ECT2L: variants seen among roughly 807,000 people sequenced by gnomAD.
ECT2L encodes the protein epithelial cell-transforming sequence 2 oncogene-like.
ECT2L carries 126 observed loss-of-function variants against 122.8 expected under a neutral mutation model. That is an observed-to-expected ratio of 1.03 (90% CI 0.89 to 1.19). The LOEUF is 1.19. ECT2L is among the 50% of genes most tolerant of loss of function. The pLI is 0.00. For missense variants in ECT2L, 1,012 were observed against 1,064.1 expected (o/e 0.95, Z 0.68); for synonymous variants, 385 against 381.8 (o/e 1.01, Z -0.10).
chr6:138,868,016 A>AAAC, intron 12 of ECT2L, 87 bp from the exon 13 acceptor site: 1 of 701,724 alleles, frequency 1.4e-6, no homozygotes, highest in Non-Finnish European at 2.2e-6. Flanking sequence ...AAAAAAAAAA[A>AAAC]AAAGAAACTG....
intron 5 of ECT2L, among the ~76,000 whole-genome samples, chr6:138,838,901 C>G (rs1047358857): frequency 3.3e-5 from 5 of 152,294 alleles, no homozygotes; most frequent in African/African-American, 9.6e-5. Context: ...CCCACCTCAG[C>G]CTCCTGAGTA....
chr6:138,803,755 T>C (rs1055314333), intron 1 of ECT2L, among the ~76,000 whole-genome samples: 1 of 152,198 alleles, frequency 6.6e-6, no homozygotes, highest in Non-Finnish European at 1.5e-5. Flanking sequence ...AATCTGGTGC[T>C]CACTATGCCA....
intron 4 of ECT2L, among the ~76,000 whole-genome samples, chr6:138,829,189 G>A (rs1243630267): frequency 6.6e-6 from 1 of 152,088 alleles, no homozygotes; most frequent in Non-Finnish European, 1.5e-5. Flanking sequence ...TTTCTGGTGT[G>A]AGAAAACCTT....
intron 19 of ECT2L, among the ~76,000 whole-genome samples, chr6:138,887,224 C>CTTTTT (rs10622407): frequency 0.58 from 86,930 of 148,986 alleles, 25,841 homozygotes; most frequent in Non-Finnish European, 0.64. Flanking sequence ...GTTTTCTTTT[C>CTTTTT]TTTAATTTTT....
intron 1 of ECT2L, among the ~76,000 whole-genome samples, chr6:138,797,576 G>A (rs933390108): frequency 4.6e-5 from 7 of 151,972 alleles, no homozygotes; most frequent in African/African-American, 1.7e-4. Context: ...TGAGGATTTA[G>A]CTCTCTATAT....
chr6:138,819,785 G>C (rs1212235145), intron 4 of ECT2L, among the ~76,000 whole-genome samples: 2 of 151,922 alleles, frequency 1.3e-5, no homozygotes, highest in Non-Finnish European at 2.9e-5. Flanking sequence ...TATTCGGGAG[G>C]CTGAGGCAGG....
chr6:138,884,823 C>G (rs905607764), intron 16 of ECT2L, among the ~76,000 whole-genome samples: 2 of 151,838 alleles, frequency 1.3e-5, no homozygotes, highest in African/African-American at 4.8e-5. Flanking sequence ...TTTTTTTCCA[C>G]ACCACAACAT....
intron 13 of ECT2L, among the ~76,000 whole-genome samples, chr6:138,871,037 G>A (rs1778234623): frequency 1.3e-5 from 2 of 152,092 alleles, no homozygotes; most frequent in African/African-American, 4.8e-5. Flanking sequence ...GGGTGACAGA[G>A]TGAGACTCTG....
chr6:138,871,467 C>T (rs915616612), intron 13 of ECT2L, among the ~76,000 whole-genome samples: 1 of 152,188 alleles, frequency 6.6e-6, no homozygotes, highest in Non-Finnish European at 1.5e-5. Context: ...TTCCCTCTGC[C>T]TGCTGCCCCA....
In ECT2L at chr6:138,903,278, T is replaced by C. The variant is rs1367494776; in HGVS notation, c.*651T>C. ...ACGCTGAGGCAGGAGAAGAATCACT[T>C]GTACCCGGGAGTCGGAGGTTGTAGT... On this transcript the variant is annotated 3_prime_UTR_variant, in exon 22 of 22. Coordinates refer to ENST00000541398, the MANE Select transcript of ECT2L (RefSeq NM_001077706.3). 1 of 151,928 alleles carries C rather than the reference T, an allele frequency of 6.6e-6. No homozygotes were observed. Among genetic ancestry groups the C allele is most frequent in the Non-Finnish European group, 1.5e-5 (1 of 68,058 alleles). The allele number at this position is 151,928 out of a possible 1,614,324, so 9.4% of individuals were successfully genotyped here. A position where few individuals can be genotyped will look rare whatever the true frequency, so the allele number is the denominator to read the frequency against.
chr6:138,886,408 A>T lies in ECT2L; in HGVS notation c.2260-449A>T, dbSNP rs1041178808. 4.6e-5 allele frequency among the ~76,000 whole-genome samples: 7 copies of T among 150,700 alleles called. No individual in the cohort carries two copies. The East Asian group carries it at 5.8e-4, about 13-fold the overall frequency. ...AAAACATTGGGTACAGAAAATTGAAATTTTTTTTTTCTTTTTTGAGACAGG... is the reference window on the plus strand; with the variant it reads ...AAAACATTGGGTACAGAAAATTGAATTTTTTTTTTTCTTTTTTGAGACAGG... On this transcript the variant is annotated intron_variant, in intron 18 of 21. Coordinates refer to ENST00000541398, the MANE Select transcript of ECT2L (RefSeq NM_001077706.3).
chr6:138,839,013 C>T (rs1311716324), intron 5 of ECT2L, among the ~76,000 whole-genome samples: 1 of 152,228 alleles, frequency 6.6e-6, no homozygotes, highest in African/African-American at 2.4e-5. Context: ...CACTCCTGAC[C>T]TTGTGATCCG....
intron 4 of ECT2L, among the ~76,000 whole-genome samples, chr6:138,819,114 C>A (rs548065331): frequency 6.6e-6 from 1 of 152,114 alleles, no homozygotes; most frequent in South Asian, 2.1e-4. Flanking sequence ...CACTTCCTTC[C>A]CCTTTGCCCA....
chr6:138,867,128 GA>G (rs529484583), intron 12 of ECT2L, among the ~76,000 whole-genome samples: 1 of 152,078 alleles, frequency 6.6e-6, no homozygotes, highest in Non-Finnish European at 1.5e-5. Context: ...TGAGCGCAGA[GA>G]TAAAGGAGAA....
intron 20 of ECT2L, 41 bp downstream of exon 20, chr6:138,889,072 C>A: frequency 8.8e-7 from 1 of 1,136,598 alleles, no homozygotes; most frequent in Non-Finnish European, 1.2e-6. Flanking sequence ...GGACACCTTC[C>A]AAGCAGGTGA....
At chr6:138,843,254 A>G (rs750642895) in intron 6 of ECT2L, 23 bp downstream of exon 6, 3 of 1,544,788 alleles carry the variant, frequency 1.9e-6, no homozygotes, top group South Asian at 1.3e-5. Context: ...TTAAACCTTT[A>G]TATCTTAGGT....
intron 20 of ECT2L, among the ~76,000 whole-genome samples, chr6:138,892,410 A>G (rs1465104394): frequency 6.6e-6 from 1 of 152,082 alleles, no homozygotes; most frequent in Non-Finnish European, 1.5e-5. Flanking sequence ...TTCTGCTCTG[A>G]TAATTCCAAA....
chr6:138,850,237 G>A (rs979726808), intron 9 of ECT2L, among the ~76,000 whole-genome samples: 6 of 151,778 alleles, frequency 4.0e-5, no homozygotes, highest in African/African-American at 1.5e-4. Flanking sequence ...CTCTGCCTCC[G>A]GGGTTCAAGC....
At chr6:138,808,494 C>T (rs1016037394) in intron 1 of ECT2L, among the ~76,000 whole-genome samples, 5 of 152,082 alleles carry the variant, frequency 3.3e-5, no homozygotes, top group Non-Finnish European at 5.9e-5. Flanking sequence ...AGTAATCCTC[C>T]TGCCTCTGCC....
Sources: allele counts gnomAD v4.1 joint callset (sites outside exome capture counted in the v4.1 genomes callset), GRCh38; gene constraint gnomAD v4.1.1; transcripts MANE v1.5; gene names NCBI Gene and HGNC (gene_info 2026-07-23, HGNC 2026-07-21).